The following RBFOX1 variants were observed in gnomAD, a reference collection of about 807,000 sequenced individuals.
The protein encoded by RBFOX1 is RNA binding protein fox-1 homolog 1.
RBFOX1 carries 8 observed loss-of-function variants against 57.7 expected under a neutral mutation model. That is an observed-to-expected ratio of 0.14 (90% CI 0.08 to 0.25). The LOEUF (loss-of-function observed/expected upper bound fraction) is 0.25. Ranked by LOEUF, RBFOX1 falls within the 10% of genes least tolerant of loss-of-function variation. The probability of loss-of-function intolerance (pLI) is 1.00; values close to 1 mark genes in which losing one functional copy is unlikely to be tolerated. For synonymous variants in RBFOX1, 326 were observed against 222.4 expected (o/e 1.47, Z -4.15); for missense variants, 611 against 548.5 (o/e 1.11, Z -1.14).
At chr16:7,462,633 G>A (rs934259866) in intron 4 of RBFOX1, among the ~76,000 whole-genome samples, 1 of 152,220 alleles carries the variant, frequency 6.6e-6, no homozygotes, top group Non-Finnish European at 1.5e-5. Flanking sequence ...GCAGGGCTTT[G>A]TTTCTTACTA....
At chr16:7,548,706 C>T (rs970874746) in intron 5 of RBFOX1, among the ~76,000 whole-genome samples, 3 of 152,194 alleles carry the variant, frequency 2.0e-5, no homozygotes, top group Admixed American at 6.5e-5. Flanking sequence ...CCATATCTCC[C>T]ATCGCCTGGG....
At chr16:7,167,772 A>G (rs190575521) in intron 4 of RBFOX1, among the ~76,000 whole-genome samples, 7 of 152,216 alleles carry the variant, frequency 4.6e-5, no homozygotes, top group Middle Eastern at 3.2e-3. Context: ...CGTATTGTCT[A>G]TGGCTGCTTT....
At chr16:6,796,821 T>A (rs1490193057) in intron 3 of RBFOX1, among the ~76,000 whole-genome samples, 1 of 152,204 alleles carries the variant, frequency 6.6e-6, no homozygotes, top group Non-Finnish European at 1.5e-5. Flanking sequence ...ACATTGTTTC[T>A]TTGATAAATT....
intron 2 of RBFOX1, among the ~76,000 whole-genome samples, chr16:6,399,795 A>G (rs1294696718): frequency 6.6e-6 from 1 of 152,228 alleles, no homozygotes. Flanking sequence ...TAATTGAATC[A>G]CAGTTCCACA....
At chr16:6,689,540 C>G (rs1057275935) in intron 3 of RBFOX1, among the ~76,000 whole-genome samples, 1 of 152,112 alleles carries the variant, frequency 6.6e-6, no homozygotes, top group South Asian at 2.1e-4. Flanking sequence ...GATGTTTACA[C>G]AGGACTTATC....
intron 4 of RBFOX1, among the ~76,000 whole-genome samples, chr16:7,410,269 C>T (rs12051529): frequency 0.47 from 71,087 of 152,068 alleles, 16,903 homozygotes; most frequent in East Asian, 0.62. Context: ...CCAACACAGC[C>T]ACTGTCTATT....
chr16:7,588,644 C>T (rs567257449), intron 7 of RBFOX1, among the ~76,000 whole-genome samples: 1 of 152,152 alleles, frequency 6.6e-6, no homozygotes, highest in Non-Finnish European at 1.5e-5. Flanking sequence ...CTTACACAGG[C>T]GATTTGAGGC....
At chr16:5,725,257 G>A (rs897619532) in intron 3 of RBFOX1, among the ~76,000 whole-genome samples, 6 of 151,728 alleles carry the variant, frequency 4.0e-5, no homozygotes, top group Admixed American at 1.3e-4. Context: ...CTATTTTTTT[G>A]TTAAGAGACA....
At chr16:7,457,311 G>A (rs1331710730) in intron 4 of RBFOX1, among the ~76,000 whole-genome samples, 2 of 152,172 alleles carry the variant, frequency 1.3e-5, no homozygotes, top group African/African-American at 2.4e-5. Flanking sequence ...TCCGATCTGT[G>A]TCCTGGGTGC....
At chr16:6,887,013 GTT>G (rs2064211340) in intron 3 of RBFOX1, among the ~76,000 whole-genome samples, 2 of 152,026 alleles carry the variant, frequency 1.3e-5, no homozygotes. Context: ...CCACTTTCTG[GTT>G]TGATTATCTT....
chr16:7,462,444 T>C (rs1599014575), intron 4 of RBFOX1, among the ~76,000 whole-genome samples: 1 of 152,186 alleles, frequency 6.6e-6, no homozygotes, highest in African/African-American at 2.4e-5. Flanking sequence ...TGAGCCAAGA[T>C]CGTGCCATTG....
At chr16:6,193,375 T>TATAC (rs1555545321) in intron 1 of RBFOX1, among the ~76,000 whole-genome samples, 2 of 64,864 alleles carry the variant, frequency 3.1e-5, no homozygotes, top group African/African-American at 8.8e-5. Flanking sequence ...TATATATATA[T>TATAC]ACATTATATA....
At chr16:7,239,760 C>G (rs1400102606) in intron 4 of RBFOX1, among the ~76,000 whole-genome samples, 3 of 152,024 alleles carry the variant, frequency 2.0e-5, no homozygotes, top group Non-Finnish European at 4.4e-5. Context: ...TTCTTTGAAT[C>G]AGCAGTAACT....
chr16:5,836,272 G>T (rs2151837593), intron 3 of RBFOX1, among the ~76,000 whole-genome samples: 1 of 152,284 alleles, frequency 6.6e-6, no homozygotes, highest in East Asian at 1.9e-4. Flanking sequence ...TGGGACATGG[G>T]AAGTCCAGGT....
intron 2 of RBFOX1, among the ~76,000 whole-genome samples, chr16:6,406,243 T>C (rs1003124685): frequency 1.3e-5 from 2 of 152,186 alleles, no homozygotes; most frequent in African/African-American, 4.8e-5. Flanking sequence ...ACAGAGGCAA[T>C]ACCCATTAAT....
intron 3 of RBFOX1, among the ~76,000 whole-genome samples, chr16:6,951,132 C>T (rs56206434): frequency 6.6e-6 from 1 of 151,942 alleles, no homozygotes; most frequent in Non-Finnish European, 1.5e-5. Flanking sequence ...GTCTTAAACT[C>T]CTGGACTCAA....
chr16:6,090,766 C>A (rs1471704744), intron 1 of RBFOX1, among the ~76,000 whole-genome samples: 1 of 152,162 alleles, frequency 6.6e-6, no homozygotes, highest in East Asian at 1.9e-4. Flanking sequence ...TGACTCAGTC[C>A]TCTTTCTCTT....
At chr16:5,761,542 C>G (rs1425342465) in intron 3 of RBFOX1, among the ~76,000 whole-genome samples, 1 of 152,130 alleles carries the variant, frequency 6.6e-6, no homozygotes, top group African/African-American at 2.4e-5. Flanking sequence ...AAAGTCATGT[C>G]TTACATGGCA....
chr16:5,534,245 A>G (rs1403917739), intron 2 of RBFOX1, among the ~76,000 whole-genome samples: 2 of 152,180 alleles, frequency 1.3e-5, no homozygotes, highest in African/African-American at 2.4e-5. Flanking sequence ...ACCAAGTCAT[A>G]TACTGTATTA....
Sources: allele counts gnomAD v4.1 joint callset (sites outside exome capture counted in the v4.1 genomes callset), GRCh38; gene constraint gnomAD v4.1.1; transcripts MANE v1.5; gene names NCBI Gene and HGNC (gene_info 2026-07-23, HGNC 2026-07-21).